Variants in PROSER1 observed in about 807,000 individuals in gnomAD.
PROSER1 encodes the protein proline and serine-rich protein 1.
PROSER1 carries 36 observed loss-of-function variants against 71.8 expected under a neutral mutation model. That is an observed-to-expected ratio of 0.50 (90% CI 0.38 to 0.66). The LOEUF (loss-of-function observed/expected upper bound fraction) is 0.66. PROSER1 is among the 30% of genes least tolerant of loss of function. PROSER1 has a pLI of 0.00. For synonymous variants in PROSER1, 490 were observed against 452.4 expected (o/e 1.08, Z -1.06); for missense variants, 1,107 against 1,135.0 (o/e 0.98, Z 0.35).
At chr13:39,030,821 A>C (rs1392704737) in intron 3 of PROSER1, among the ~76,000 whole-genome samples, 2 of 152,030 alleles carry the variant, frequency 1.3e-5, no homozygotes, top group East Asian at 3.9e-4. Flanking sequence ...AAACATTTTC[A>C]CCCCCAGAGA....
chr13:39,026,161 A>G (rs1321739980), intron 6 of PROSER1, 116 bp downstream of exon 6: 1 of 637,664 alleles, frequency 1.6e-6, no homozygotes, highest in Non-Finnish European at 2.8e-6. Flanking sequence ...ATCAGTGGTG[A>G]GCCTGTGAAT....
chr13:39,029,247 T>TA (rs34146778), intron 4 of PROSER1, 34 bp downstream of exon 4: 24,788 of 739,568 alleles, frequency 0.034, 178 homozygotes, highest in African/African-American at 0.093. Flanking sequence ...TTTTCCCAAG[T>TA]AAAAAAAAAA....
chr13:39,034,150 C>A lies in PROSER1; in HGVS notation c.92G>T (p.Gly31Val). 4 of 1,584,814 alleles carry A rather than the reference C, an allele frequency of 2.5e-6. No individual in the cohort carries two copies. The highest frequency in any genetic ancestry group is 3.4e-6 in the Non-Finnish European group (4 of 1,168,892). ...YKLKAIEYVH[G>V]YFSSEQVVDL... ...GAATACCTGTTCACTAGAAAAGTATCCATGCACATATTCAATTGCTTTTAA... is the reference window on the plus strand; with the variant it reads ...GAATACCTGTTCACTAGAAAAGTATACATGCACATATTCAATTGCTTTTAA... Residue 31 changes from glycine to valine, a missense_variant, in exon 2 of 13, where the codon GGA becomes GTA. Physicochemically the swap from Gly to Val is moderately radical, Grantham distance 109 (BLOSUM62 -3). Coordinates refer to ENST00000352251, the MANE Select transcript of PROSER1 (RefSeq NM_025138.5).
rs1025932066 is a variant in PROSER1, at chr13:39,034,814, T to C, written c.46-618A>G. Among the ~76,000 whole-genome samples the C allele has an allele frequency of 3.9e-5, 6 of 152,208 alleles. 1 individual carries two copies. Among genetic ancestry groups the C allele is most frequent in the Non-Finnish European group, 8.8e-5 (6 of 68,032 alleles). ...AACACCATTCACCAACCTCAAAGAA[T>C]TACTATGAAGACTATAATAGTGGAC... On this transcript the variant is annotated intron_variant, in intron 1 of 12. Transcript: ENST00000352251.
chr13:39,037,469 A>G lies in PROSER1; in HGVS notation c.-227T>C. ...TTTTATTAAAAAGAAAAAACACTCC[A>G]GTCAGGCTTCCCCAGCTTATTCACA... On this transcript the variant is annotated 5_prime_UTR_variant, in exon 1 of 13. Coordinates refer to ENST00000352251, the MANE Select transcript of PROSER1 (RefSeq NM_025138.5). The G allele has an allele frequency of 1.9e-6, 1 of 527,446 alleles. No individual in the cohort carries two copies. Among genetic ancestry groups the G allele is most frequent in the Non-Finnish European group, 3.4e-6 (1 of 297,922 alleles). 32.7% of individuals were successfully genotyped at this position (527,446 alleles called of 1,614,324 possible).
Position 39,037,193 on chromosome 13 carries a change from A to G in PROSER1, c.45+5T>C. 1 of 1,589,678 alleles carries G rather than the reference A, an allele frequency of 6.3e-7. No homozygotes were observed. The highest frequency in any genetic ancestry group is 8.6e-7 in the Non-Finnish European group (1 of 1,157,778). Reference sequence around the variant, plus strand: ...TAAAATAATTCATGGAATCGGTCTAATTACCTTTCTAATTTCATCCAGCAC... The same window carrying G: ...TAAAATAATTCATGGAATCGGTCTAGTTACCTTTCTAATTTCATCCAGCAC... On this transcript the variant is annotated splice_donor_5th_base_variant and intron_variant, in intron 1 of 12. Transcript: ENST00000352251.
At position 39,013,198 on chromosome 13, in the gene PROSER1, C is replaced by T; in HGVS notation, c.2054G>A (p.Gly685Asp). The T allele has an allele frequency of 6.2e-7, 1 of 1,613,830 alleles. No homozygotes were observed. The highest frequency in any genetic ancestry group is 1.1e-5 in the South Asian group (1 of 91,052). ...PLSSISLPPHGSSTPIAPVFT... is the reference protein window; with the variant it reads ...PLSSISLPPHDSSTPIAPVFT... ...TACTGGTGCAATGGGAGTGGAGGAA[C>T]CATGTGGTGGAAGGGAAATAGAGGA... Residue 685 changes from glycine (G) to aspartate (D), a missense_variant, in exon 11 of 13, where the codon GGT (glycine) becomes GAT (aspartate). By Grantham distance (94) the Gly-to-Asp change is moderately conservative. Coordinates refer to ENST00000352251, the MANE Select transcript of PROSER1 (RefSeq NM_025138.5).
chr13:39,032,732 T>G (rs1870907370), intron 2 of PROSER1, among the ~76,000 whole-genome samples: 1 of 152,112 alleles, frequency 6.6e-6, no homozygotes, highest in South Asian at 2.1e-4. Flanking sequence ...AACCATAAAA[T>G]TTTACAAGCC....
chr13:39,037,658 G>A lies in PROSER1; in HGVS notation c.-416C>T, dbSNP rs868171967. 1.9e-5 allele frequency: 3 copies of A among 160,966 alleles called. No homozygotes were observed. Among genetic ancestry groups the A allele is most frequent in the Non-Finnish European group, 4.1e-5 (3 of 73,698 alleles). The allele number at this position is 160,966 out of a possible 1,614,324, so 10.0% of individuals were successfully genotyped here. On this transcript the variant is annotated 5_prime_UTR_variant, in exon 1 of 13. Coordinates refer to ENST00000352251, the MANE Select transcript of PROSER1 (RefSeq NM_025138.5). ...CCCAGGTGGAGCGGCCGGCAGAGTA[G>A]AAACACCTGCGCTCAGAGTCCACGG...
chr13:39,035,522 A>G (rs1044776019), intron 1 of PROSER1, among the ~76,000 whole-genome samples: 1 of 152,194 alleles, frequency 6.6e-6, no homozygotes, highest in Non-Finnish European at 1.5e-5. Flanking sequence ...ACAAATAATG[A>G]CTGGAGAAAG....
At position 39,015,514 on chromosome 13, in the gene PROSER1, T is replaced by C. The variant is rs368291695; in HGVS notation, c.776-1038A>G. Among the ~76,000 whole-genome samples, 49 of 152,294 alleles carry C rather than the reference T, an allele frequency of 3.2e-4. No individual in the cohort carries two copies. In the South Asian group the frequency reaches 0.01, roughly 32 times the overall value. On this transcript the variant is annotated intron_variant, in intron 10 of 12. Coordinates refer to ENST00000352251, the MANE Select transcript of PROSER1 (RefSeq NM_025138.5). The stretch of plus-strand genomic sequence containing the variant: ...ACTAACACATTTTACAATTTATGTA[T>C]AATTAAGATTCTTTTGACATAAGCA...
At position 39,013,679 on chromosome 13, in the gene PROSER1, G is replaced by T. The variant is rs781303405; in HGVS notation, c.1573C>A (p.Pro525Thr). 2.0e-5 allele frequency: 33 copies of T among 1,614,052 alleles called. No individual in the cohort carries two copies. Among genetic ancestry groups the T allele is most frequent in the Middle Eastern group, 1.6e-4 (1 of 6,084 alleles). ...PNKCYAPSAI[P>T]TPQRTSTPGL... ...GGAGTGGAAGTCCTCTGTGGGGTAG[G>T]GATGGCTGATGGGGCATAGCACTTG... Residue 525 changes from proline to threonine, a missense_variant, in exon 11 of 13, where the codon CCT becomes ACT. Coordinates refer to ENST00000352251, the MANE Select transcript of PROSER1 (RefSeq NM_025138.5).
chr13:39,026,670 T>C (rs1870560045), intron 5 of PROSER1, among the ~76,000 whole-genome samples: 1 of 152,182 alleles, frequency 6.6e-6, no homozygotes, highest in African/African-American at 2.4e-5. Flanking sequence ...GTGTTTATTA[T>C]CTAATCTGTC....
rs919051524 is a variant in PROSER1, at chr13:39,009,897, T to G, written c.*1468A>C. On this transcript the variant is annotated 3_prime_UTR_variant, in exon 13 of 13. Transcript: ENST00000352251. ...AAAAGAAGTTTTATGGGTATAGATT[T>G]AAGAAAAACAAATGGCAACTTCCAG... 2.0e-4 allele frequency: 30 copies of G among 152,624 alleles called. No individual in the cohort carries two copies. The highest frequency in any genetic ancestry group is 7.2e-4 in the African/African-American group (30 of 41,450). The allele number at this position is 152,624 out of a possible 1,614,324, so 9.5% of individuals were successfully genotyped here.
At position 39,029,216 on chromosome 13, in the gene PROSER1, C is replaced by T; in HGVS notation, c.275+65G>A. On this transcript the variant is annotated intron_variant, in intron 4 of 12. Transcript: ENST00000352251. ...GACACATTAACACACACTAATTAGA[C>T]ACTTAAAACGCTTCTACATTTTTTC... 3.6e-6 allele frequency: 3 copies of T among 840,186 alleles called. No individual in the cohort carries two copies. The Admixed American group carries it at 9.2e-5, about 26-fold the overall frequency. 52.0% of individuals were successfully genotyped at this position (840,186 alleles called of 1,614,324 possible).
At chr13:39,026,235 A>C in intron 6 of PROSER1, 42 bp downstream of exon 6, 1 of 1,242,782 alleles carries the variant, frequency 8.0e-7, no homozygotes, top group African/African-American at 1.5e-5. Flanking sequence ...CTTCATACTT[A>C]ACCATGAGAA....
intron 11 of PROSER1, 128 bp from the exon 12 acceptor site, chr13:39,012,361 G>T: frequency 9.8e-7 from 1 of 1,017,814 alleles, no homozygotes; most frequent in Non-Finnish European, 1.5e-6. Context: ...TTCCTCTGTT[G>T]GAAGGACCAT....
Position 39,028,193 on chromosome 13 carries a change from C to A in PROSER1, c.369+34G>T, listed in dbSNP as rs538260208. 3 of 1,155,950 alleles carry A rather than the reference C, an allele frequency of 2.6e-6. No individual in the cohort carries two copies. The African/African-American group carries it at 4.6e-5, about 18-fold the overall frequency. 71.6% of individuals were successfully genotyped at this position (1,155,950 alleles called of 1,614,324 possible). A position where few individuals can be genotyped will look rare whatever the true frequency, so the allele number is the denominator to read the frequency against. On this transcript the variant is annotated intron_variant, in intron 5 of 12. Coordinates refer to ENST00000352251, the MANE Select transcript of PROSER1 (RefSeq NM_025138.5). Reference sequence around the variant, plus strand: ...CGTCTTCAATATTCGGAAAAACCAGCGTACCAAGTACATGACAATCTTTAG... The same window carrying A: ...CGTCTTCAATATTCGGAAAAACCAGAGTACCAAGTACATGACAATCTTTAG...
rs774169684 is a variant in PROSER1 at position 39,011,472 on chromosome 13, C to A, written c.2728G>T (p.Ala910Ser). ...GGCTGAGCTGGATAGCTTTCCAGAGCCGAAGCTGAATGGACCTGATGGAAA... is the reference window on the plus strand; with the variant it reads ...GGCTGAGCTGGATAGCTTTCCAGAGACGAAGCTGAATGGACCTGATGGAAA... ...ALLQQVHSAS[A>S]LESYPAQPDG... The change falls in exon 13 of 13, where the codon GCT (alanine) becomes TCT (serine). Residue 910 changes from alanine (A) to serine (S), a missense_variant. Coordinates refer to ENST00000352251, the MANE Select transcript of PROSER1 (RefSeq NM_025138.5). The A allele has an allele frequency of 1.9e-6, 3 of 1,613,860 alleles. No homozygotes were observed. In the Admixed American group the frequency reaches 5.0e-5, roughly 27 times the overall value.
Sources: gnomAD v4.1 joint callset for allele counts (sites outside exome capture counted in the v4.1 genomes callset) on GRCh38, gnomAD v4.1.1 for gene constraint, MANE v1.5 for transcripts, NCBI Gene and HGNC (gene_info 2026-07-23, HGNC 2026-07-21) for gene names.